The following CAPN14 variants were observed in gnomAD, a reference collection of about 807,000 sequenced individuals.
CAPN14 encodes calpain-14.
In CAPN14, 94 loss-of-function variants were observed where a neutral mutation model predicts 101.3. The ratio of observed to expected loss-of-function variants is 0.93; its 90% confidence interval spans 0.79 to 1.10. The LOEUF (loss-of-function observed/expected upper bound fraction) is 1.10, where lower values mean the gene tolerates loss of function less well. CAPN14 is among the 50% of genes least tolerant of loss of function. CAPN14 has a pLI of 0.00. For synonymous variants in CAPN14, 338 were observed against 317.9 expected, an observed-to-expected ratio of 1.06 and a Z score of -0.67; for missense variants, 837 against 828.4, an observed-to-expected ratio of 1.01 and a Z score of -0.13.
At chr2:31,211,459 T>C (rs1009256763) in intron 1 of CAPN14, among the ~76,000 whole-genome samples, 1 of 152,044 alleles carries the variant, frequency 6.6e-6, no homozygotes, top group Non-Finnish European at 1.5e-5. Flanking sequence ...AAGAACTAAC[T>C]AGAAAATGTA....
At position 31,200,477 on chromosome 2, in the gene CAPN14, G is replaced by A. The variant is rs1214981514; in HGVS notation, c.700C>T (p.Leu234Phe). Residue 234 changes from leucine (L) to phenylalanine (F), a missense_variant, in exon 6 of 22, where the codon CTC (leucine) becomes TTC (phenylalanine). Transcript: ENST00000403897. ...ILIEATYNRT[L>F]IGCQTHSGEK... The stretch of plus-strand genomic sequence containing the variant: ...CCTGAGTGGGTCTGGCAGCCAATGA[G>A]GGTTCTGTTGTAGGTGGCTTCGATG... 4.5e-6 allele frequency: 7 copies of A among 1,550,384 alleles called. No homozygotes were observed. Among genetic ancestry groups the A allele is most frequent in the East Asian group, 2.4e-5 (1 of 40,912 alleles).
At position 31,189,443 on chromosome 2, in the gene CAPN14, G is replaced by T. The variant is rs1350183535; in HGVS notation, c.1323C>A (p.Phe441Leu). 6.4e-7 allele frequency: 1 copy of T among 1,551,684 alleles called. No individual in the cohort carries two copies. Among genetic ancestry groups the T allele is most frequent in the Admixed American group, 2.0e-5 (1 of 51,010 alleles). The change falls in exon 13 of 22, where the codon TTC becomes TTA. Residue 441 changes from phenylalanine (F) to leucine (L), a missense_variant. Transcript: ENST00000403897. ...GGCTCAGAGGAGTGTTTCTCTGGAAGAACTCAGGGGGCAGTCTCCTCTGGT... is the reference window on the plus strand; with the variant it reads ...GGCTCAGAGGAGTGTTTCTCTGGAATAACTCAGGGGGCAGTCTCCTCTGGT... ...HDDQRRLPPEFFQRNTPLSQP... is the reference protein window; with the variant it reads ...HDDQRRLPPELFQRNTPLSQP...
At chr2:31,181,156 G>C (rs944570751) in intron 16 of CAPN14, among the ~76,000 whole-genome samples, 156 bp from the exon 17 acceptor site, 3 of 152,164 alleles carry the variant, frequency 2.0e-5, no homozygotes, top group Non-Finnish European at 2.9e-5. Flanking sequence ...AGAGAGACGG[G>C]GGGGTGACGG....
In CAPN14 at chr2:31,177,051, C is replaced by G; in HGVS notation, c.1947G>C (p.Leu649Phe). The G allele has an allele frequency of 1.3e-6, 2 of 1,551,452 alleles. No individual in the cohort carries two copies. Among genetic ancestry groups the G allele is most frequent in the Non-Finnish European group, 1.7e-6 (2 of 1,146,840 alleles). ...LQMDFVSFIH[L>F]MLRVENMEDV... ...CCTCCATGTTCTCTACACGCAGCAT[C>G]AAGTGGATGAAACTGACAAAGTCCA... is the stretch of plus-strand genomic sequence containing the variant. Residue 649 changes from leucine to phenylalanine, a missense_variant, in exon 20 of 22, where the codon TTG (leucine) becomes TTC (phenylalanine). Physicochemically the swap from Leu to Phe is conservative, Grantham distance 22 (BLOSUM62 0). Coordinates refer to ENST00000403897, the MANE Select transcript of CAPN14 (RefSeq NM_001145122.2).
At chr2:31,232,381 T>C (rs1490679887) in intron 1 of CAPN14, among the ~76,000 whole-genome samples, 5 of 152,232 alleles carry the variant, frequency 3.3e-5, no homozygotes, top group Admixed American at 1.3e-4. Context: ...CCAATCCCAT[T>C]GCAGCTGTCT....
At position 31,230,089 on chromosome 2, in the gene CAPN14, A is replaced by G. The variant is rs1321088330; in HGVS notation, c.-176-3438T>C. ...TGAAGGTTTGTTATATAGGTAAACT[A>G]GTGTCATGGAGGTCTGTTGTACAGA... is the stretch of plus-strand genomic sequence containing the variant. On this transcript the variant is annotated intron_variant and NMD_transcript_variant, in intron 1 of 21. Coordinates refer to the CAPN14 transcript ENST00000398824. This position sits in a 1 kb window ranked among gnomAD's most constrained non-coding sequence, Gnocchi z 4.3. 6.6e-6 allele frequency among the ~76,000 whole-genome samples: 1 copy of G among 152,150 alleles called. No individual in the cohort carries two copies. The highest frequency in any genetic ancestry group is 2.4e-5 in the African/African-American group (1 of 41,430).
chr2:31,195,539 G>A (rs1681427256), intron 8 of CAPN14, among the ~76,000 whole-genome samples: 1 of 152,128 alleles, frequency 6.6e-6, no homozygotes, highest in African/African-American at 2.4e-5. Flanking sequence ...GTTTTACCAT[G>A]TTGGCCGGGC....
In CAPN14 at chr2:31,177,032, T is replaced by C. The variant is rs958770584; in HGVS notation, c.1966A>G (p.Met656Val). Reference protein sequence around the residue: ...FIHLMLRVENMEDVFQNLTQD... With the variant: ...FIHLMLRVENVEDVFQNLTQD... ...CAGCTTCCCGCCAGCTTACCCTCCA[T>C]GTTCTCTACACGCAGCATCAAGTGG... The change falls in exon 20 of 22, where the codon ATG becomes GTG. Residue 656 changes from methionine (M) to valine (V), a missense_variant. Transcript: ENST00000403897. The C allele has an allele frequency of 7.1e-6, 11 of 1,550,486 alleles. No individual in the cohort carries two copies. Among genetic ancestry groups the C allele is most frequent in the Admixed American group, 5.9e-5 (3 of 50,946 alleles).
At chr2:31,206,745 T>C (rs1297835348) in intron 1 of CAPN14, among the ~76,000 whole-genome samples, 2 of 152,242 alleles carry the variant, frequency 1.3e-5, no homozygotes, top group Non-Finnish European at 2.9e-5. Context: ...CTGGAGCTTC[T>C]TGCAGGACAG....
chr2:31,195,272 G>A (rs1056845822), intron 8 of CAPN14, among the ~76,000 whole-genome samples: 2 of 152,216 alleles, frequency 1.3e-5, no homozygotes, highest in Admixed American at 6.5e-5. Context: ...AGACTGGACC[G>A]TAAGCAGGAC....
At chr2:31,231,525 C>T (rs4952070) in intron 1 of CAPN14, among the ~76,000 whole-genome samples, 92,254 of 152,060 alleles carry the variant, frequency 0.61, 29,644 homozygotes, top group South Asian at 0.74. Context: ...CTTTCATGAC[C>T]TTTTATTGCT....
chr2:31,177,044 G>A lies in CAPN14; in HGVS notation c.1954C>T (p.Arg652Cys). ...AGCTTACCCTCCATGTTCTCTACACGCAGCATCAAGTGGATGAAACTGACA... is the reference window on the plus strand; with the variant it reads ...AGCTTACCCTCCATGTTCTCTACACACAGCATCAAGTGGATGAAACTGACA... The part of the protein sequence containing the change: ...DFVSFIHLML[R>C]VENMEDVFQN... The change falls in exon 20 of 22, where the codon CGT (arginine) becomes TGT (cysteine). Residue 652 changes from arginine (R) to cysteine (C), a missense_variant. By Grantham distance (180) the Arg-to-Cys change is radical. Coordinates refer to ENST00000403897, the MANE Select transcript of CAPN14 (RefSeq NM_001145122.2). 5 of 1,551,144 alleles carry A rather than the reference G, an allele frequency of 3.2e-6. No individual in the cohort carries two copies. Among genetic ancestry groups the A allele is most frequent in the Middle Eastern group, 1.7e-4 (1 of 5,986 alleles).
upstream of CAPN14, among the ~76,000 whole-genome samples, chr2:31,218,870 T>G (rs1278743147): frequency 6.6e-6 from 1 of 152,100 alleles, no homozygotes; most frequent in Admixed American, 6.5e-5. Context: ...TTTGGAGCCT[T>G]CCCCCTGCCT....
At chr2:31,206,027 T>TA (rs1682062894) in intron 1 of CAPN14, among the ~76,000 whole-genome samples, 1 of 131,154 alleles carries the variant, frequency 7.6e-6, no homozygotes, top group South Asian at 2.8e-4. Flanking sequence ...CTTTATTTTT[T>TA]TTATTTATTT....
intron 17 of CAPN14, among the ~76,000 whole-genome samples, chr2:31,179,518 C>T (rs987599265): frequency 6.6e-6 from 1 of 152,276 alleles, no homozygotes; most frequent in African/African-American, 2.4e-5. Context: ...GTGAATAGTG[C>T]CGCAGTAAAC....
chr2:31,183,460 A>G (rs1484841974), intron 16 of CAPN14, among the ~76,000 whole-genome samples: 1 of 152,176 alleles, frequency 6.6e-6, no homozygotes, highest in African/African-American at 2.4e-5. Flanking sequence ...TAATATCCAG[A>G]ATCTACAATG....
chr2:31,178,284 GA>G (rs1680411848), intron 18 of CAPN14, among the ~76,000 whole-genome samples: 1 of 152,128 alleles, frequency 6.6e-6, no homozygotes, highest in Admixed American at 6.5e-5. Context: ...TTTTTGTGAG[GA>G]AACAGCATGA....
intron 12 of CAPN14, among the ~76,000 whole-genome samples, chr2:31,190,070 G>C (rs1339683352): frequency 6.6e-6 from 1 of 152,012 alleles, no homozygotes; most frequent in African/African-American, 2.4e-5. Flanking sequence ...CTGGGCAAGA[G>C]CTCAGAAGAC....
intron 1 of CAPN14, among the ~76,000 whole-genome samples, chr2:31,206,659 G>A (rs1682114790): frequency 6.6e-6 from 1 of 152,170 alleles, no homozygotes; most frequent in Admixed American, 6.5e-5. Context: ...ACCAACAGTT[G>A]CCAGTACGTG....
Sources: gnomAD v4.1 joint callset for allele counts (sites outside exome capture counted in the v4.1 genomes callset) on GRCh38, gnomAD v4.1.1 for gene constraint, Gnocchi (gnomAD v3.1) non-coding constraint, MANE v1.5 for transcripts, NCBI Gene and HGNC (gene_info 2026-07-23, HGNC 2026-07-21) for gene names.